CPSF6: variants seen among roughly 807,000 people sequenced by gnomAD.
The protein encoded by CPSF6 is cleavage and polyadenylation specificity factor subunit 6.
CPSF6 carries 10 observed loss-of-function variants against 56.7 expected under a neutral mutation model. The observed-to-expected ratio is 0.18, with a 90% CI of 0.11 to 0.30. The LOEUF (loss-of-function observed/expected upper bound fraction) is 0.30, where lower values mean the gene tolerates loss of function less well. Ranked by LOEUF, CPSF6 falls within the 10% of genes least tolerant of loss-of-function variation. The probability of loss-of-function intolerance (pLI) is 1.00; values close to 1 mark genes in which losing one functional copy is unlikely to be tolerated. For synonymous variants in CPSF6, 248 were observed against 244.8 expected (o/e 1.01, Z -0.12); for missense variants, 419 against 722.9 (o/e 0.58, Z 4.82).
At chr12:69,246,506 G>A (rs1039216261) in intron 1 of CPSF6, among the ~76,000 whole-genome samples, 2 of 152,108 alleles carry the variant, frequency 1.3e-5, no homozygotes, top group Non-Finnish European at 2.9e-5. Flanking sequence ...CATATTTTTA[G>A]TACCAAATTC....
intron 9 of CPSF6, among the ~76,000 whole-genome samples, chr12:69,265,382 T>C (rs1439204401): frequency 1.3e-5 from 2 of 152,186 alleles, no homozygotes; most frequent in Non-Finnish European, 1.5e-5. Context: ...GTTCCTCTTG[T>C]CACTTCTTTG....
At chr12:69,251,936 G>T in intron 2 of CPSF6, 1 of 425,802 alleles carries the variant, frequency 2.3e-6, no homozygotes, top group South Asian at 1.7e-5. Flanking sequence ...CATTAAAATA[G>T]TCCTATAGAA....
At position 69,245,209 on chromosome 12, in the gene CPSF6, C is replaced by CTA. The variant is rs1871834488; in HGVS notation, c.60+5505_60+5506dup. Among the ~76,000 whole-genome samples, 3 of 150,222 alleles carry CTA rather than the reference C, an allele frequency of 2.0e-5. No homozygotes were observed. The South Asian group carries it at 6.7e-4, about 34-fold the overall frequency. ...TGTGTACTGTACATAATTGTATGTG[C>CTA]TATTCTTTTATATGACTGAGAGCAC... On this transcript the variant is annotated intron_variant, in intron 1 of 9. Transcript: ENST00000435070.
At chr12:69,269,462 G>A (rs931356044) in intron 9 of CPSF6, 50 bp from the exon 10 acceptor site, 3 of 450,556 alleles carry the variant, frequency 6.7e-6, no homozygotes, top group South Asian at 1.6e-5. Context: ...GTTTTTCTGT[G>A]TATTTTGGGG....
intron 1 of CPSF6, among the ~76,000 whole-genome samples, chr12:69,247,585 GTGAAATATTTCTT>G (rs1871980626): frequency 6.6e-6 from 1 of 152,122 alleles, no homozygotes; most frequent in Non-Finnish European, 1.5e-5. Flanking sequence ...AAATGATACC[GTGAAATATTTCTT>G]TGACAAACTG....
intron 7 of CPSF6, 52 bp downstream of exon 7, chr12:69,259,595 C>T (rs1329592110): frequency 6.8e-7 from 1 of 1,466,674 alleles, no homozygotes; most frequent in Non-Finnish European, 9.3e-7. Context: ...TAGGAATGAC[C>T]TAAAAATGTA....
Position 69,266,064 on chromosome 12 carries a change from C to A in CPSF6, c.*4-3448C>A, listed in dbSNP as rs78249537. Among the ~76,000 whole-genome samples the A allele has an allele frequency of 7.8e-3, 1,143 of 146,366 alleles. 8 individuals carry two copies. Among genetic ancestry groups the A allele is most frequent in the African/African-American group, 0.027 (1,085 of 40,044 alleles). On this transcript the variant is annotated intron_variant, in intron 9 of 9. Transcript: ENST00000435070. Reference sequence around the variant, plus strand: ...AAAAGCCAAAAGAATAAAAAAAATTCTTACATGTTAAAGATGTTTCATTTT... The same window carrying A: ...AAAAGCCAAAAGAATAAAAAAAATTATTACATGTTAAAGATGTTTCATTTT...
chr12:69,246,323 T>G (rs1871904380), intron 1 of CPSF6, among the ~76,000 whole-genome samples: 1 of 152,260 alleles, frequency 6.6e-6, no homozygotes, highest in Non-Finnish European at 1.5e-5. Flanking sequence ...GATTTATTTA[T>G]GTTTACTAGA....
chr12:69,264,758 G>A (rs529461043), intron 9 of CPSF6, among the ~76,000 whole-genome samples: 1 of 152,214 alleles, frequency 6.6e-6, no homozygotes, highest in East Asian at 1.9e-4. Context: ...TTGAATAAAG[G>A]GGTGGGGACT....
At position 69,244,731 on chromosome 12, in the gene CPSF6, T is replaced by C. The variant is rs373293303; in HGVS notation, c.60+5025T>C. Reference sequence around the variant, plus strand: ...TAAGCTTTTTTTAAAAACTAAGATATACACACATTAACCTAGGCCTGCACA... The same window carrying C: ...TAAGCTTTTTTTAAAAACTAAGATACACACACATTAACCTAGGCCTGCACA... On this transcript the variant is annotated intron_variant, in intron 1 of 9. Coordinates refer to ENST00000435070, the MANE Select transcript of CPSF6 (RefSeq NM_007007.3). Among the ~76,000 whole-genome samples the C allele has an allele frequency of 4.6e-5, 7 of 151,774 alleles. No homozygotes were observed. The East Asian group carries it at 1.2e-3, about 25-fold the overall frequency.
chr12:69,241,815 GATAA>G (rs1181357058), intron 1 of CPSF6, among the ~76,000 whole-genome samples: 2 of 151,796 alleles, frequency 1.3e-5, no homozygotes, highest in South Asian at 2.1e-4. Context: ...TAATGGCGAG[GATAA>G]ATAGAGGCAT....
intron 9 of CPSF6, among the ~76,000 whole-genome samples, chr12:69,266,026 T>TG (rs534282444): frequency 0.014 from 1,299 of 92,268 alleles, 20 homozygotes; most frequent in African/African-American, 0.053. Context: ...GTGTTAATTT[T>TG]GAAAAAAAAA....
At chr12:69,257,667 T>C (rs1284520041) in intron 4 of CPSF6, 65 bp from the exon 5 acceptor site, 3 of 1,430,056 alleles carry the variant, frequency 2.1e-6, no homozygotes, top group Non-Finnish European at 2.9e-6. Flanking sequence ...TTTTTAATAA[T>C]AGTGGTTACA....
intron 3 of CPSF6, among the ~76,000 whole-genome samples, chr12:69,253,833 CGTG>C (rs1311631081): frequency 6.6e-6 from 1 of 152,044 alleles, no homozygotes; most frequent in Non-Finnish European, 1.5e-5. Context: ...TTTTGGTTAT[CGTG>C]GTGGTTTCCA....
At chr12:69,263,475 T>C (rs544107842) in intron 9 of CPSF6, among the ~76,000 whole-genome samples, 2 of 152,184 alleles carry the variant, frequency 1.3e-5, no homozygotes, top group South Asian at 4.1e-4. Flanking sequence ...ACTATAAGGC[T>C]TATGCATGTG....
rs933638562 is a variant in CPSF6, at chr12:69,272,822, A to G, written c.*3314A>G. Reference sequence around the variant, plus strand: ...ATTAGACATTTTTGTGCTAAAATATATTAAGTGGGATTTTTGTAGCAAAGC... The same window carrying G: ...ATTAGACATTTTTGTGCTAAAATATGTTAAGTGGGATTTTTGTAGCAAAGC... On this transcript the variant is annotated 3_prime_UTR_variant, in exon 10 of 10. Coordinates refer to ENST00000435070, the MANE Select transcript of CPSF6 (RefSeq NM_007007.3). The G allele has an allele frequency of 3.7e-5, 6 of 160,372 alleles. No individual in the cohort carries two copies. The highest frequency in any genetic ancestry group is 1.4e-4 in the African/African-American group (6 of 41,528). The allele number at this position is 160,372 out of a possible 1,614,324, so 9.9% of individuals were successfully genotyped here. A position where few individuals can be genotyped will look rare whatever the true frequency, so the allele number is the denominator to read the frequency against.
chr12:69,265,538 C>G (rs1392365406), intron 9 of CPSF6, among the ~76,000 whole-genome samples: 1 of 150,742 alleles, frequency 6.6e-6, no homozygotes, highest in African/African-American at 2.4e-5. Flanking sequence ...TCATCCATGA[C>G]AATTTTTAAG....
intron 3 of CPSF6, 37 bp from the exon 4 acceptor site, chr12:69,256,660 T>C (rs768253710): frequency 6.4e-7 from 1 of 1,573,772 alleles, no homozygotes; most frequent in Admixed American, 1.9e-5. Context: ...ATTGATCTCT[T>C]TTTACTTTGT....
chr12:69,251,024 CT>C, intron 1 of CPSF6, 104 bp from the exon 2 acceptor site: 6 of 1,133,508 alleles, frequency 5.3e-6, no homozygotes, highest in Non-Finnish European at 7.4e-6. Flanking sequence ...AATCCTTGGC[CT>C]TTTTCCATCA....
Sources: gnomAD v4.1 joint callset for allele counts (sites outside exome capture counted in the v4.1 genomes callset) on GRCh38, gnomAD v4.1.1 for gene constraint, MANE v1.5 for transcripts, NCBI Gene and HGNC (gene_info 2026-07-23, HGNC 2026-07-21) for gene names.